Variants in ZSCAN5A observed in about 807,000 individuals in gnomAD.
ZSCAN5A encodes zinc finger and SCAN domain containing 5A.
Under a neutral mutation model 23.7 loss-of-function variants are expected in ZSCAN5A, and 12 were observed. The observed-to-expected ratio is 0.51, with a 90% CI of 0.32 to 0.82. The LOEUF (loss-of-function observed/expected upper bound fraction) is 0.82, where lower values mean the gene tolerates loss of function less well. Ranked by LOEUF, ZSCAN5A falls within the 40% of genes least tolerant of loss-of-function variation. The pLI, the probability that ZSCAN5A is intolerant of heterozygous loss-of-function variation, is 0.03. For missense variants in ZSCAN5A, 597 were observed against 617.9 expected, an observed-to-expected ratio of 0.97 and a Z score of 0.36; for synonymous variants, 257 against 239.9, an observed-to-expected ratio of 1.07 and a Z score of -0.66.
chr19:56,311,299 T>C (rs970044507), intron 2 of ZSCAN5A, among the ~76,000 whole-genome samples: 5 of 152,260 alleles, frequency 3.3e-5, no homozygotes, highest in African/African-American at 1.2e-4. Context: ...AATCGGCCTT[T>C]ATCACATCTT....
intron 2 of ZSCAN5A, 139 bp from the exon 3 acceptor site, chr19:56,225,312 G>A (rs948956970): frequency 6.0e-6 from 4 of 662,508 alleles, no homozygotes; most frequent in Non-Finnish European, 8.6e-6. Flanking sequence ...GTCTATACCT[G>A]ACTACATACT....
chr19:56,236,073 ATGGACGGTGGGCCAAGTCTCCACTCCAG>A (rs1568624989), intron 2 of ZSCAN5A, among the ~76,000 whole-genome samples: 1 of 76,662 alleles, frequency 1.3e-5, no homozygotes, highest in Non-Finnish European at 2.6e-5. Context: ...CCAGCCTCTG[ATGGACGGTGGGCCAAGTCTCCACTCCAG>A]CCTCTGATGG....
chr19:56,288,308 C>T (rs748245675), intron 2 of ZSCAN5A, among the ~76,000 whole-genome samples: 1 of 152,186 alleles, frequency 6.6e-6, no homozygotes, highest in Non-Finnish European at 1.5e-5. Flanking sequence ...ACGCCCACAT[C>T]GTTCCCTCTG....
At position 56,323,533 on chromosome 19, in the gene ZSCAN5A, CTTT is replaced by C. The variant is rs35501936; in HGVS notation, c.-357-7268_-357-7266del. Among the ~76,000 whole-genome samples the C allele has an allele frequency of 7.5e-4, 93 of 123,634 alleles. 1 individual carries two copies. In the Middle Eastern group the frequency reaches 0.016, roughly 22 times the overall value. The allele number at this position is 123,634 out of a possible 152,430, so 81.1% of individuals were successfully genotyped here. A position where few individuals can be genotyped will look rare whatever the true frequency, so the allele number is the denominator to read the frequency against. On this transcript the variant is annotated intron_variant, in intron 2 of 6. Transcript: ENST00000587340. ...ATGGATGCAGAACCCTGAGGCAGAA[CTTT>C]TTTTTTTTTTTTTTTTTGAGACAGC...
chr19:56,243,026 G>A (rs889248555), intron 2 of ZSCAN5A, among the ~76,000 whole-genome samples: 2 of 152,098 alleles, frequency 1.3e-5, no homozygotes, highest in African/African-American at 2.4e-5. Context: ...TGATCCTCCC[G>A]TCTTGGCCTC....
intron 2 of ZSCAN5A, chr19:56,320,243 G>A: frequency 1.8e-6 from 1 of 540,774 alleles, no homozygotes; most frequent in Non-Finnish European, 3.5e-6. Flanking sequence ...CAACAATCCT[G>A]AGTAGGGCTT....
At chr19:56,296,133 C>T (rs2039855822) in intron 2 of ZSCAN5A, 1 of 152,428 alleles carries the variant, frequency 6.6e-6, no homozygotes, top group South Asian at 2.1e-4. Flanking sequence ...GGAAAAGTAA[C>T]AGGCAGTTAA....
intron 2 of ZSCAN5A, among the ~76,000 whole-genome samples, chr19:56,359,938 C>A (rs191566741): frequency 6.6e-6 from 1 of 152,026 alleles, no homozygotes; most frequent in Non-Finnish European, 1.5e-5. Flanking sequence ...AAAATAAGAG[C>A]CATTTATGAC....
At chr19:56,356,680 A>T (rs1311776510) in intron 2 of ZSCAN5A, among the ~76,000 whole-genome samples, 2 of 148,810 alleles carry the variant, frequency 1.3e-5, no homozygotes, top group Non-Finnish European at 3.0e-5. Flanking sequence ...AGAGTGTATA[A>T]CTGATTCCAT....
At chr19:56,249,754 G>C (rs73069619) in intron 2 of ZSCAN5A, among the ~76,000 whole-genome samples, 4 of 151,852 alleles carry the variant, frequency 2.6e-5, no homozygotes, top group African/African-American at 9.7e-5. Flanking sequence ...GTGTTGATAC[G>C]ATGGCCTCCT....
intron 2 of ZSCAN5A, among the ~76,000 whole-genome samples, chr19:56,270,736 C>G (rs905969764): frequency 6.6e-6 from 1 of 151,802 alleles, no homozygotes; most frequent in African/African-American, 2.4e-5. Flanking sequence ...CTAGTTGTGG[C>G]TCCCCAAACA....
chr19:56,248,390 A>G (rs1339953485), intron 2 of ZSCAN5A, among the ~76,000 whole-genome samples: 1 of 152,078 alleles, frequency 6.6e-6, no homozygotes, highest in Non-Finnish European at 1.5e-5. Context: ...CCGCCGGAGT[A>G]GCTGGGACTA....
chr19:56,328,833 C>CA (rs372071221), intron 2 of ZSCAN5A, among the ~76,000 whole-genome samples: 16,075 of 139,880 alleles, frequency 0.11, 1,599 homozygotes, highest in African/African-American at 0.28. Flanking sequence ...ACTAAAAATA[C>CA]AAAAAAAAAA....
chr19:56,353,948 A>G (rs2041685688), intron 2 of ZSCAN5A, among the ~76,000 whole-genome samples: 1 of 152,212 alleles, frequency 6.6e-6, no homozygotes, highest in Non-Finnish European at 1.5e-5. Flanking sequence ...ACAATGGAAT[A>G]TTAGTCGCCC....
intron 2 of ZSCAN5A, chr19:56,228,548 T>C (rs2034185108): frequency 1.3e-6 from 1 of 784,638 alleles, no homozygotes. Context: ...CCTCAGAAAA[T>C]ATAGATTTGC....
Position 56,242,074 on chromosome 19 carries a change from T to C in ZSCAN5A, c.-127-16901A>G, listed in dbSNP as rs2035471290. 2.0e-5 allele frequency among the ~76,000 whole-genome samples: 3 copies of C among 152,302 alleles called. No homozygotes were observed. In the South Asian group the frequency reaches 6.2e-4, roughly 32 times the overall value. On this transcript the variant is annotated intron_variant, in intron 2 of 5. Coordinates refer to ENST00000683990, the MANE Select transcript of ZSCAN5A (RefSeq NM_001322064.3). ...CCTGCCCCGGAGCGGGATTGCCGGA[T>C]CATGCAGTTGTTGGACTTTCAATTT... is the stretch of plus-strand genomic sequence containing the variant.
rs2033230992 is a variant in ZSCAN5A at position 56,221,909 on chromosome 19, C to T, written c.1157G>A (p.Cys386Tyr). 1.2e-6 allele frequency: 2 copies of T among 1,614,040 alleles called. No homozygotes were observed. Among genetic ancestry groups the T allele is most frequent in the Admixed American group, 1.7e-5 (1 of 60,004 alleles). The change falls in exon 6 of 6, where the codon TGT becomes TAT. Residue 386 changes from cysteine (C) to tyrosine (Y), a missense_variant. Physicochemically the swap from Cys to Tyr is radical, Grantham distance 194. Transcript: ENST00000683990. The part of the protein sequence containing the change: ...RSHTGERLFQ[C>Y]NLCGKRFMQL... ...CATGAAGCGCTTCCCACAGAGATTA[C>T]ATTGAAAGAGTCTCTCGCCTGTGTG...
exon 1 of ZSCAN5A, chr19:56,368,257 C>G (rs1380720399): frequency 6.6e-6 from 1 of 152,368 alleles, no homozygotes; most frequent in African/African-American, 2.4e-5. Context: ...CTCTGCATTC[C>G]GGTCACTGGG....
intron 2 of ZSCAN5A, among the ~76,000 whole-genome samples, chr19:56,287,515 A>T (rs2039215866): frequency 6.6e-6 from 1 of 152,048 alleles, no homozygotes; most frequent in African/African-American, 2.4e-5. Flanking sequence ...CTAACCCATA[A>T]ATATCAGCCC....
Sources: allele counts gnomAD v4.1 joint callset (sites outside exome capture counted in the v4.1 genomes callset), GRCh38; gene constraint gnomAD v4.1.1; transcripts MANE v1.5; gene names NCBI Gene and HGNC (gene_info 2026-07-23, HGNC 2026-07-21).